The following RNF150 variants were observed in gnomAD, a reference collection of about 807,000 sequenced individuals.
The protein encoded by RNF150 is ring finger protein 150.
A neutral mutation model predicts 39.3 loss-of-function variants in RNF150; 24 were observed. That is an observed-to-expected ratio of 0.61 (90% CI 0.44 to 0.86). RNF150 has a LOEUF of 0.86. Among genes scored for constraint, RNF150 ranks in the 40% least tolerant of loss-of-function variants. The pLI is 0.00. For synonymous variants in RNF150, 255 were observed against 227.3 expected, an observed-to-expected ratio of 1.12 and a Z score of -1.10; for missense variants, 502 against 587.8, an observed-to-expected ratio of 0.85 and a Z score of 1.51.
intron 6 of RNF150, among the ~76,000 whole-genome samples, chr4:140,900,632 C>T (rs1049803633): frequency 3.3e-5 from 5 of 152,092 alleles, no homozygotes; most frequent in African/African-American, 1.2e-4. Context: ...AGCTCTCAGG[C>T]CTCGACACTA....
chr4:141,109,628 C>A (rs544690107), intron 1 of RNF150, among the ~76,000 whole-genome samples: 1 of 151,896 alleles, frequency 6.6e-6, no homozygotes, highest in Non-Finnish European at 1.5e-5. Flanking sequence ...AGACAGTATA[C>A]GGCAGATCCT....
chr4:141,098,749 A>C (rs887893259), intron 1 of RNF150, among the ~76,000 whole-genome samples: 1 of 152,132 alleles, frequency 6.6e-6, no homozygotes, highest in Non-Finnish European at 1.5e-5. Flanking sequence ...ATTTTGCTAC[A>C]TTGTCTCTCT....
At chr4:141,107,156 T>C (rs1739238503) in intron 1 of RNF150, among the ~76,000 whole-genome samples, 1 of 152,244 alleles carries the variant, frequency 6.6e-6, no homozygotes, top group East Asian at 1.9e-4. Context: ...TCATATTAAC[T>C]ATTAGTTAGC....
chr4:140,980,354 A>G (rs1349230647), intron 1 of RNF150, among the ~76,000 whole-genome samples: 2 of 152,066 alleles, frequency 1.3e-5, no homozygotes, highest in Non-Finnish European at 2.9e-5. Flanking sequence ...CCTTTAGGCT[A>G]TTTTTAACAA....
intron 2 of RNF150, among the ~76,000 whole-genome samples, chr4:140,964,231 G>A (rs1243563482): frequency 6.6e-6 from 1 of 152,084 alleles, no homozygotes; most frequent in Non-Finnish European, 1.5e-5. Context: ...GAGTTCTGCT[G>A]CTGGTTCAAT....
chr4:140,993,091 A>G (rs1734252751), intron 1 of RNF150, among the ~76,000 whole-genome samples: 1 of 152,158 alleles, frequency 6.6e-6, no homozygotes, highest in Non-Finnish European at 1.5e-5. Flanking sequence ...CACTGCTATG[A>G]GAGATTGCCA....
At chr4:141,002,446 A>T (rs1009430559) in intron 1 of RNF150, among the ~76,000 whole-genome samples, 1 of 152,098 alleles carries the variant, frequency 6.6e-6, no homozygotes, top group East Asian at 1.9e-4. Flanking sequence ...GCTTTGCCAC[A>T]CTGAACGATT....
intron 1 of RNF150, among the ~76,000 whole-genome samples, chr4:141,090,534 C>T (rs965017963): frequency 6.6e-5 from 10 of 152,258 alleles, no homozygotes; most frequent in Non-Finnish European, 1.5e-4. Context: ...TAGCAGCATA[C>T]TTAGAAAGCA....
At chr4:140,912,857 G>A (rs181554319) in intron 5 of RNF150, among the ~76,000 whole-genome samples, 63 of 151,612 alleles carry the variant, frequency 4.2e-4, no homozygotes, top group Non-Finnish European at 6.9e-4. Context: ...CATTGGACAC[G>A]AGCAAGTGGG....
intron 1 of RNF150, among the ~76,000 whole-genome samples, chr4:141,096,582 A>C (rs973067251): frequency 7.9e-5 from 12 of 152,204 alleles, no homozygotes; most frequent in African/African-American, 2.9e-4. Flanking sequence ...CCTCCGAAGG[A>C]TGAACATGTT....
intron 1 of RNF150, among the ~76,000 whole-genome samples, chr4:141,047,505 T>C (rs2110879102): frequency 6.6e-6 from 1 of 152,228 alleles, no homozygotes; most frequent in Non-Finnish European, 1.5e-5. Context: ...TAAATACATT[T>C]AAGAAATATA....
intron 1 of RNF150, among the ~76,000 whole-genome samples, chr4:141,102,660 C>G (rs1018781912): frequency 6.6e-6 from 1 of 152,182 alleles, no homozygotes; most frequent in Admixed American, 6.5e-5. Context: ...ATTATCGCAA[C>G]AGATGACCAT....
intron 1 of RNF150, among the ~76,000 whole-genome samples, chr4:141,111,033 T>C (rs567744898): frequency 1.2e-4 from 18 of 152,222 alleles, no homozygotes; most frequent in African/African-American, 3.9e-4. Context: ...GTAAATCATC[T>C]GAAGAGCCAT....
At chr4:141,160,752 G>T (rs1301697600) in intron 1 of RNF150, among the ~76,000 whole-genome samples, 1 of 152,144 alleles carries the variant, frequency 6.6e-6, no homozygotes, top group Non-Finnish European at 1.5e-5. Context: ...TCCTGCTCTA[G>T]CTAAGTAAGA....
chr4:141,023,224 A>AGATGATGAT (rs34239783), intron 1 of RNF150, among the ~76,000 whole-genome samples: 317 of 150,490 alleles, frequency 2.1e-3, no homozygotes, highest in African/African-American at 7.3e-3. Flanking sequence ...GAAACTGGTG[A>AGATGATGAT]GATGATGATG....
intron 6 of RNF150, among the ~76,000 whole-genome samples, chr4:140,899,944 T>TTC (rs60297205): frequency 0.047 from 5,219 of 109,938 alleles, 171 homozygotes; most frequent in African/African-American, 0.08. Context: ...CTCTCTCACT[T>TTC]TCTCTCTCTC....
intron 4 of RNF150, among the ~76,000 whole-genome samples, chr4:140,946,261 C>T (rs1302247875): frequency 6.6e-6 from 1 of 152,154 alleles, no homozygotes; most frequent in Admixed American, 6.5e-5. Flanking sequence ...GTCTGTTTCC[C>T]TTGGGAGTTT....
chr4:141,051,035 C>T (rs1736758037), intron 1 of RNF150, among the ~76,000 whole-genome samples: 1 of 152,162 alleles, frequency 6.6e-6, no homozygotes, highest in Non-Finnish European at 1.5e-5. Flanking sequence ...TGGAAGTTGC[C>T]AAATCCCAAT....
intron 1 of RNF150, among the ~76,000 whole-genome samples, chr4:141,098,944 G>A (rs1383374770): frequency 2.0e-5 from 3 of 152,062 alleles, no homozygotes; most frequent in Non-Finnish European, 2.9e-5. Context: ...TAACAATCAC[G>A]AGAATGGAGT....
Sources: allele counts gnomAD v4.1 joint callset (sites outside exome capture counted in the v4.1 genomes callset), GRCh38; gene constraint gnomAD v4.1.1; transcripts MANE v1.5; gene names NCBI Gene and HGNC (gene_info 2026-07-23, HGNC 2026-07-21).